The following NOL4 variants were observed in gnomAD, a reference collection of about 807,000 sequenced individuals.
NOL4 encodes the protein cancer/testis antigen 125.
A neutral mutation model predicts 75.9 loss-of-function variants in NOL4; 17 were observed. The ratio of observed to expected loss-of-function variants is 0.22; its 90% CI spans 0.15 to 0.34. NOL4 has a LOEUF of 0.34. Among genes scored for constraint, NOL4 ranks in the 10% least tolerant of loss-of-function variants. The probability of loss-of-function intolerance (pLI) is 1.00; values close to 1 mark genes in which losing one functional copy is unlikely to be tolerated. For missense variants in NOL4, 614 were observed against 793.5 expected (o/e 0.77, Z 2.72); for synonymous variants, 292 against 289.9 (o/e 1.01, Z -0.07).
chr18:34,113,563 T>C (rs939387247), intron 2 of NOL4, among the ~76,000 whole-genome samples: 1 of 152,082 alleles, frequency 6.6e-6, no homozygotes, highest in African/African-American at 2.4e-5. Context: ...CTTGAGCCCA[T>C]GACTTTGATG....
At chr18:34,150,531 C>T (rs1028524354) in intron 1 of NOL4, among the ~76,000 whole-genome samples, 1 of 151,324 alleles carries the variant, frequency 6.6e-6, no homozygotes, top group Non-Finnish European at 1.5e-5. Flanking sequence ...TGGATATGCA[C>T]GTGTGGAAAA....
intron 9 of NOL4, among the ~76,000 whole-genome samples, chr18:33,886,759 ATATAGATATATCTATATATATATATC>A (rs1194112257): frequency 3.4e-4 from 48 of 141,014 alleles, no homozygotes; most frequent in African/African-American, 1.0e-3. Context: ...TGTACCTCAT[ATATAGATATATCTATATATATATATC>A]TATAGATATA....
At chr18:34,141,448 A>G (rs2081157144) in intron 1 of NOL4, among the ~76,000 whole-genome samples, 1 of 152,234 alleles carries the variant, frequency 6.6e-6, no homozygotes, top group Non-Finnish European at 1.5e-5. Context: ...ATAAGGCTAC[A>G]GTAACCAAAA....
intron 5 of NOL4, among the ~76,000 whole-genome samples, chr18:34,071,780 A>G (rs942568786): frequency 1.3e-5 from 2 of 152,192 alleles, no homozygotes; most frequent in Non-Finnish European, 2.9e-5. Flanking sequence ...TTTTTCACTT[A>G]CAATATTTTC....
chr18:34,012,342 AAT>A, intron 6 of NOL4, among the ~76,000 whole-genome samples: 1 of 152,004 alleles, frequency 6.6e-6, no homozygotes, highest in East Asian at 1.9e-4. Flanking sequence ...TTTAGATTGC[AAT>A]ATGACATATA....
At chr18:34,045,832 T>A (rs1275653887) in intron 5 of NOL4, among the ~76,000 whole-genome samples, 1 of 152,158 alleles carries the variant, frequency 6.6e-6, no homozygotes, top group Non-Finnish European at 1.5e-5. Context: ...TTAATCTGAT[T>A]TTTAAAAGCA....
At chr18:34,089,586 G>A (rs149020597) in intron 5 of NOL4, among the ~76,000 whole-genome samples, 9 of 152,318 alleles carry the variant, frequency 5.9e-5, no homozygotes, top group East Asian at 5.8e-4. Context: ...TGTGGAGAGC[G>A]ACTATCAAGT....
At chr18:33,947,859 C>G (rs750748786) in intron 8 of NOL4, among the ~76,000 whole-genome samples, 9 of 151,756 alleles carry the variant, frequency 5.9e-5, no homozygotes, top group Admixed American at 2.6e-4. Flanking sequence ...TCACATGGAG[C>G]TTTTGGAGTT....
intron 5 of NOL4, among the ~76,000 whole-genome samples, chr18:34,072,028 C>T (rs963900367): frequency 2.0e-5 from 3 of 151,996 alleles, no homozygotes; most frequent in Non-Finnish European, 2.9e-5. Context: ...GTCAGGAGTT[C>T]GAGACCAGCC....
chr18:34,204,218 T>C (rs1261920451), intron 1 of NOL4, among the ~76,000 whole-genome samples: 1 of 151,910 alleles, frequency 6.6e-6, no homozygotes, highest in East Asian at 1.9e-4. Context: ...GTCTCTGCAA[T>C]TGGAGGAAAG....
At chr18:34,051,543 G>A (rs1054294479) in intron 5 of NOL4, among the ~76,000 whole-genome samples, 2 of 151,984 alleles carry the variant, frequency 1.3e-5, no homozygotes, top group Non-Finnish European at 2.9e-5. Context: ...AAGAGAATGA[G>A]TTATCACTTA....
chr18:34,223,334 C>G lies in NOL4; in HGVS notation c.-81G>C. 3 of 1,543,050 alleles carry G rather than the reference C, an allele frequency of 1.9e-6. No individual in the cohort carries two copies. In the Admixed American group the frequency reaches 5.5e-5, roughly 28 times the overall value. On this transcript the variant is annotated 5_prime_UTR_variant, in exon 1 of 11. Coordinates refer to ENST00000261592, the MANE Select transcript of NOL4 (RefSeq NM_003787.5). ...CCCTAGGCTCATGAAAAATGCAGCCCCGGCCACGTTGCAGGGATGCGAGGT... is the reference window on the plus strand; with the variant it reads ...CCCTAGGCTCATGAAAAATGCAGCCGCGGCCACGTTGCAGGGATGCGAGGT...
intron 6 of NOL4, among the ~76,000 whole-genome samples, chr18:33,987,909 C>A (rs747194270): frequency 1.3e-5 from 2 of 152,028 alleles, no homozygotes; most frequent in African/African-American, 4.8e-5. Flanking sequence ...CTTTTATCAG[C>A]GGAGCTTGGT....
intron 9 of NOL4, among the ~76,000 whole-genome samples, chr18:33,925,083 TG>T (rs1158332599): frequency 6.6e-6 from 1 of 152,002 alleles, no homozygotes; most frequent in Non-Finnish European, 1.5e-5. Flanking sequence ...AATGTATACC[TG>T]AGTTTTTGAA....
chr18:33,853,214 G>A (rs1023417704), intron 10 of NOL4, among the ~76,000 whole-genome samples, 179 bp from the exon 11 acceptor site: 1 of 152,214 alleles, frequency 6.6e-6, no homozygotes, highest in Admixed American at 6.5e-5. Context: ...AATGGTAACC[G>A]AGTGGCTTCT....
rs541971043 is a variant in NOL4 at position 34,059,616 on chromosome 18, C to T, written c.772+33849G>A. On this transcript the variant is annotated intron_variant, in intron 5 of 10. Coordinates refer to ENST00000261592, the MANE Select transcript of NOL4 (RefSeq NM_003787.5). Reference sequence around the variant, plus strand: ...AAATGGCTTCAAATAATCTGTGAAACCCATAACTTTCTCCTTGTGAAATAA... The same window carrying T: ...AAATGGCTTCAAATAATCTGTGAAATCCATAACTTTCTCCTTGTGAAATAA... 5.3e-5 allele frequency among the ~76,000 whole-genome samples: 8 copies of T among 152,180 alleles called. No homozygotes were observed. The South Asian group carries it at 1.5e-3, about 28-fold the overall frequency.
intron 6 of NOL4, among the ~76,000 whole-genome samples, chr18:33,959,175 A>C (rs1460353588): frequency 2.0e-5 from 3 of 152,152 alleles, no homozygotes; most frequent in Non-Finnish European, 4.4e-5. Flanking sequence ...CCATGTAAAA[A>C]TAATTAAACA....
chr18:33,866,336 C>T (rs937180885), intron 10 of NOL4, among the ~76,000 whole-genome samples: 6 of 152,044 alleles, frequency 3.9e-5, no homozygotes, highest in Non-Finnish European at 8.8e-5. Flanking sequence ...ATCTTCTTTT[C>T]CCACTGTCTT....
chr18:33,981,641 A>C (rs1328150850), intron 6 of NOL4, among the ~76,000 whole-genome samples: 1 of 152,138 alleles, frequency 6.6e-6, no homozygotes, highest in East Asian at 1.9e-4. Flanking sequence ...GAAAATAATA[A>C]GAGAATGTGT....
Sources: gnomAD v4.1 joint callset for allele counts (sites outside exome capture counted in the v4.1 genomes callset) on GRCh38, gnomAD v4.1.1 for gene constraint, MANE v1.5 for transcripts, NCBI Gene and HGNC (gene_info 2026-07-23, HGNC 2026-07-21) for gene names.